The following NAALADL2 variants were observed in gnomAD, a reference collection of about 807,000 sequenced individuals.
The protein encoded by NAALADL2 is inactive N-acetylated-alpha-linked acidic dipeptidase-like protein 2.
NAALADL2 carries 76 observed loss-of-function variants against 87.2 expected under a neutral mutation model. The observed-to-expected ratio is 0.87, with a 90% CI of 0.72 to 1.05. The LOEUF (loss-of-function observed/expected upper bound fraction) is 1.05. NAALADL2 is among the 50% of genes least tolerant of loss of function. The pLI is 0.00. For synonymous variants in NAALADL2, 354 were observed against 331.0 expected (o/e 1.07, Z -0.75); for missense variants, 1,089 against 945.8 (o/e 1.15, Z -1.99).
At chr3:175,213,347 G>A (rs1051459333) in intron 2 of NAALADL2, among the ~76,000 whole-genome samples, 2 of 152,026 alleles carry the variant, frequency 1.3e-5, no homozygotes, top group African/African-American at 2.4e-5. Flanking sequence ...TTGTAGGGAA[G>A]TTATGTAATC....
intron 1 of NAALADL2, among the ~76,000 whole-genome samples, chr3:175,034,406 T>C (rs558978039): frequency 1.3e-5 from 2 of 152,122 alleles, no homozygotes; most frequent in Non-Finnish European, 2.9e-5. Context: ...CAAATGTTCA[T>C]GATGCCAAAC....
intron 2 of NAALADL2, among the ~76,000 whole-genome samples, chr3:174,665,216 A>G (rs1032704774): frequency 6.6e-6 from 1 of 152,212 alleles, no homozygotes; most frequent in Non-Finnish European, 1.5e-5. Context: ...TTTTCTGCTA[A>G]CAATAGGGGG....
rs1754835472 is a variant in NAALADL2, at chr3:175,807,760, T to C, written c.*4557T>C. 1 of 151,938 alleles carries C rather than the reference T, an allele frequency of 6.6e-6. No individual in the cohort carries two copies. The highest frequency in any genetic ancestry group is 1.5e-5 in the Non-Finnish European group (1 of 67,898). The allele number at this position is 151,938 out of a possible 1,614,324, so 9.4% of individuals were successfully genotyped here. A position where few individuals can be genotyped will look rare whatever the true frequency, so the allele number is the denominator to read the frequency against. ...GCCCAGCCACACTGGTGAGTTTTTATTTCTTGTATGAGTTTAAATTGCCAA... is the reference window on the plus strand; with the variant it reads ...GCCCAGCCACACTGGTGAGTTTTTACTTCTTGTATGAGTTTAAATTGCCAA... On this transcript the variant is annotated 3_prime_UTR_variant, in exon 14 of 14. Transcript: ENST00000454872.
chr3:175,763,174 A>G (rs1183669982), intron 13 of NAALADL2, among the ~76,000 whole-genome samples: 1 of 152,072 alleles, frequency 6.6e-6, no homozygotes, highest in Non-Finnish European at 1.5e-5. Flanking sequence ...TAAATGACAA[A>G]CTTTTTCCAG....
chr3:175,716,707 C>T (rs2150018592), intron 11 of NAALADL2, among the ~76,000 whole-genome samples: 1 of 152,202 alleles, frequency 6.6e-6, no homozygotes, highest in African/African-American at 2.4e-5. Context: ...CCTCAGGATG[C>T]TGGCTGGTAT....
intron 4 of NAALADL2, among the ~76,000 whole-genome samples, chr3:175,289,457 A>C (rs1480237555): frequency 6.6e-6 from 1 of 152,118 alleles, no homozygotes; most frequent in East Asian, 1.9e-4. Flanking sequence ...TGACCCTGAA[A>C]TAATATTATA....
Position 174,519,317 on chromosome 3 carries a change from G to A in NAALADL2, c.-183-31252G>A, listed in dbSNP as rs1413887462. Among the ~76,000 whole-genome samples, 3 of 145,994 alleles carry A rather than the reference G, an allele frequency of 2.1e-5. No homozygotes were observed. The East Asian group carries it at 5.9e-4, about 29-fold the overall frequency. On this transcript the variant is annotated intron_variant, in intron 1 of 3. Coordinates refer to the NAALADL2 transcript ENST00000434257. Reference sequence around the variant, plus strand: ...AAGTTTTTGAAACAAGTGAATGAATGAAGATTTCCTTTTTTTTTTTTTTTT... The same window carrying A: ...AAGTTTTTGAAACAAGTGAATGAATAAAGATTTCCTTTTTTTTTTTTTTTT...
At chr3:175,533,576 A>G (rs1241259697) in intron 9 of NAALADL2, among the ~76,000 whole-genome samples, 8 of 152,286 alleles carry the variant, frequency 5.3e-5, no homozygotes, top group Admixed American at 1.3e-4. Flanking sequence ...CAGAGTTTAC[A>G]AATTCAGTGT....
chr3:175,750,038 A>G (rs112844839), intron 12 of NAALADL2, among the ~76,000 whole-genome samples: 395 of 152,310 alleles, frequency 2.6e-3, no homozygotes, highest in Non-Finnish European at 3.7e-3. Flanking sequence ...ATTTGTTATA[A>G]TATTTTAACT....
At chr3:175,665,283 A>G (rs1249877444) in intron 11 of NAALADL2, among the ~76,000 whole-genome samples, 1 of 152,240 alleles carries the variant, frequency 6.6e-6, no homozygotes, top group Non-Finnish European at 1.5e-5. Flanking sequence ...CTAAACATTC[A>G]GGTTAGCCTG....
intron 2 of NAALADL2, among the ~76,000 whole-genome samples, chr3:174,695,413 A>G (rs1728932823): frequency 6.6e-6 from 1 of 151,988 alleles, no homozygotes; most frequent in Admixed American, 6.6e-5. Flanking sequence ...CATAGACATA[A>G]GATCATTTTT....
chr3:175,015,024 A>G (rs1750633587), intron 1 of NAALADL2, among the ~76,000 whole-genome samples: 1 of 152,116 alleles, frequency 6.6e-6, no homozygotes, highest in Non-Finnish European at 1.5e-5. Flanking sequence ...TCTCAATAGA[A>G]AGCATGTCAA....
intron 1 of NAALADL2, among the ~76,000 whole-genome samples, chr3:174,882,533 A>ACATATG (rs1729366936): frequency 1.3e-5 from 2 of 148,406 alleles, no homozygotes; most frequent in Non-Finnish European, 3.0e-5. Context: ...ATACACATAT[A>ACATATG]TGCATACACA....
At chr3:175,038,692 A>G (rs545839930) in intron 1 of NAALADL2, among the ~76,000 whole-genome samples, 33 of 152,264 alleles carry the variant, frequency 2.2e-4, no homozygotes, top group Middle Eastern at 3.4e-3. Context: ...AAATAAAGTC[A>G]TTGGTCCCAA....
At chr3:175,082,490 T>C (rs1718060336) in intron 1 of NAALADL2, among the ~76,000 whole-genome samples, 1 of 152,210 alleles carries the variant, frequency 6.6e-6, no homozygotes, top group Non-Finnish European at 1.5e-5. Flanking sequence ...GGTGATAAAT[T>C]ATGCTGGGTA....
chr3:174,607,547 A>G (rs868392991), intron 2 of NAALADL2, among the ~76,000 whole-genome samples: 3,461 of 150,364 alleles, frequency 0.023, 55 homozygotes, highest in Middle Eastern at 0.042. Flanking sequence ...CTTTAAACCA[A>G]CAAAGATCAA....
intron 9 of NAALADL2, among the ~76,000 whole-genome samples, chr3:175,556,057 C>T (rs556033797): frequency 9.9e-5 from 15 of 152,224 alleles, no homozygotes; most frequent in Non-Finnish European, 1.6e-4. Context: ...CTAAGGGCAT[C>T]GTCTCTGGGT....
intron 2 of NAALADL2, among the ~76,000 whole-genome samples, chr3:175,129,171 C>T (rs1253813252): frequency 6.6e-6 from 1 of 151,790 alleles, no homozygotes; most frequent in Admixed American, 6.6e-5. Context: ...GGTTGAATTA[C>T]TGGCTTCATG....
At chr3:175,410,573 T>C (rs150865576) in intron 5 of NAALADL2, among the ~76,000 whole-genome samples, 8 of 150,998 alleles carry the variant, frequency 5.3e-5, no homozygotes, top group African/African-American at 1.7e-4. Context: ...CCAACATCCT[T>C]GCTCTTACAG....
Sources: gnomAD v4.1 joint callset for allele counts (sites outside exome capture counted in the v4.1 genomes callset) on GRCh38, gnomAD v4.1.1 for gene constraint, MANE v1.5 for transcripts, NCBI Gene and HGNC (gene_info 2026-07-23, HGNC 2026-07-21) for gene names.